The following ABCD3 variants were observed in gnomAD, a reference collection of about 807,000 sequenced individuals.
ABCD3 encodes the protein ATP binding cassette subfamily D member 3.
A neutral mutation model predicts 105.5 loss-of-function variants in ABCD3; 41 were observed. That is an observed-to-expected ratio of 0.39 (90% CI 0.30 to 0.50). The LOEUF is 0.50. ABCD3 is among the 20% of genes least tolerant of loss of function. The pLI, the probability that ABCD3 is intolerant of heterozygous loss-of-function variation, is 0.84. For synonymous variants in ABCD3, 258 were observed against 269.0 expected (o/e 0.96, Z 0.40); for missense variants, 622 against 806.3 (o/e 0.77, Z 2.77).
intron 1 of ABCD3, among the ~76,000 whole-genome samples, chr1:94,425,598 A>G (rs1659438774): frequency 6.6e-6 from 1 of 152,214 alleles, no homozygotes; most frequent in African/African-American, 2.4e-5. Context: ...TGTTTGTGGA[A>G]ACTGTGGGCA....
chr1:94,446,230 A>G (rs1406613445), intron 1 of ABCD3, among the ~76,000 whole-genome samples: 6 of 152,216 alleles, frequency 3.9e-5, no homozygotes, highest in South Asian at 2.1e-4. Context: ...GGCTCAGGCC[A>G]TTCCCTCACC....
At chr1:94,505,813 T>G (rs1478498826) in intron 20 of ABCD3, among the ~76,000 whole-genome samples, 4 of 152,134 alleles carry the variant, frequency 2.6e-5, no homozygotes, top group Non-Finnish European at 4.4e-5. Flanking sequence ...AAGAGAATGT[T>G]GCAGAGAAGG....
At chr1:94,422,319 G>C (rs1659290852) in intron 1 of ABCD3, among the ~76,000 whole-genome samples, 1 of 152,172 alleles carries the variant, frequency 6.6e-6, no homozygotes, top group Non-Finnish European at 1.5e-5. Flanking sequence ...TCTCATAGGA[G>C]CGTGAACCTG....
chr1:94,439,947 C>T lies in ABCD3; in HGVS notation c.111-18660C>T, dbSNP rs558431169. ...TCACAGGTGCAATCACAGCTTCCTGCAGCCTTGAACTCCTGGCCTCAAGTG... is the reference window on the plus strand; with the variant it reads ...TCACAGGTGCAATCACAGCTTCCTGTAGCCTTGAACTCCTGGCCTCAAGTG... On this transcript the variant is annotated intron_variant, in intron 1 of 22. Transcript: ENST00000370214. 6.6e-5 allele frequency among the ~76,000 whole-genome samples: 10 copies of T among 152,322 alleles called. No individual in the cohort carries two copies. In the South Asian group the frequency reaches 2.1e-3, roughly 32 times the overall value.
intron 1 of ABCD3, among the ~76,000 whole-genome samples, chr1:94,429,652 G>T (rs1659600293): frequency 6.6e-6 from 1 of 152,242 alleles, no homozygotes; most frequent in Non-Finnish European, 1.5e-5. Context: ...GTGGTGTTGA[G>T]CCTGCGAGTG....
chr1:94,502,025 G>A (rs1387786379), intron 20 of ABCD3, among the ~76,000 whole-genome samples: 1 of 151,734 alleles, frequency 6.6e-6, no homozygotes, highest in Non-Finnish European at 1.5e-5. Context: ...CATAATCCAG[G>A]GTGTGGCCCA....
chr1:94,462,806 C>T (rs980898905), intron 2 of ABCD3, among the ~76,000 whole-genome samples: 1 of 152,104 alleles, frequency 6.6e-6, no homozygotes, highest in Non-Finnish European at 1.5e-5. Flanking sequence ...GTGTTGCCTA[C>T]AGGTAAGGCA....
rs760267175 is a variant in ABCD3, at chr1:94,506,533, T to A, written c.1741-5T>A. The stretch of plus-strand genomic sequence containing the variant: ...TTTACACAAAAAATTTTTTTTATGC[T>A]TCAGATGGCAAGATTATTTTATCAT... On this transcript the variant is annotated splice_polypyrimidine_tract_variant and splice_region_variant and intron_variant, in intron 20 of 22. Transcript: ENST00000370214. 6.2e-7 allele frequency: 1 copy of A among 1,609,390 alleles called. No homozygotes were observed. Among genetic ancestry groups the A allele is most frequent in the East Asian group, 2.2e-5 (1 of 44,772 alleles).
At chr1:94,498,491 A>G in intron 16 of ABCD3, 111 bp from the exon 17 acceptor site, 1 of 1,075,946 alleles carries the variant, frequency 9.3e-7, no homozygotes, top group Non-Finnish European at 1.4e-6. Flanking sequence ...GACAAATAGA[A>G]GGCTTATAAT....
At position 94,496,693 on chromosome 1, in the gene ABCD3, T is replaced by TG. The variant is rs1491160876; in HGVS notation, c.1387-1908dup. Among the ~76,000 whole-genome samples the TG allele has an allele frequency of 7.3e-3, 570 of 78,246 alleles. 9 individuals carry two copies. The highest frequency in any genetic ancestry group is 0.012 in the Non-Finnish European group (461 of 37,762). 51.3% of individuals were successfully genotyped at this position (78,246 alleles called of 152,430 possible). A position where few individuals can be genotyped will look rare whatever the true frequency, so the allele number is the denominator to read the frequency against. ...TCTTCAGTAAAATCAGCCTTGTTTCTGTTTTTTTTTTTTTTTTTTTTTTTT... is the reference window on the plus strand; with the variant it reads ...TCTTCAGTAAAATCAGCCTTGTTTCTGGTTTTTTTTTTTTTTTTTTTTTTTT... On this transcript the variant is annotated intron_variant, in intron 16 of 22. Coordinates refer to ENST00000370214, the MANE Select transcript of ABCD3 (RefSeq NM_002858.4).
chr1:94,468,624 A>G (rs1648281156), intron 4 of ABCD3, among the ~76,000 whole-genome samples: 2 of 152,204 alleles, frequency 1.3e-5, no homozygotes, highest in Non-Finnish European at 2.9e-5. Flanking sequence ...CATAATACCA[A>G]TTAGAATGTC....
chr1:94,477,140 C>T (rs2100999894), intron 7 of ABCD3, among the ~76,000 whole-genome samples: 1 of 133,934 alleles, frequency 7.5e-6, no homozygotes, highest in East Asian at 2.4e-4. Context: ...TGACCTCCAA[C>T]TTAAATTATG....
chr1:94,497,471 T>C (rs1649879569), intron 16 of ABCD3, among the ~76,000 whole-genome samples: 1 of 152,228 alleles, frequency 6.6e-6, no homozygotes, highest in South Asian at 2.1e-4. Context: ...CCTATTGTGT[T>C]GCATTGGTGT....
Position 94,431,294 on chromosome 1 carries a change from C to T in ABCD3, c.110+12706C>T, listed in dbSNP as rs1570737206. Among the ~76,000 whole-genome samples, 6 of 152,206 alleles carry T rather than the reference C, an allele frequency of 3.9e-5. 1 individual carries two copies. In the South Asian group the frequency reaches 1.2e-3, roughly 32 times the overall value. On this transcript the variant is annotated intron_variant, in intron 1 of 22. Coordinates refer to ENST00000370214, the MANE Select transcript of ABCD3 (RefSeq NM_002858.4). ...CCAGAATGAGGGCTGGAGGAAGTAG[C>T]TTGGCCTGAGATAGGCAGGTAGAAA...
chr1:94,458,878 C>A (rs183956557), intron 2 of ABCD3, among the ~76,000 whole-genome samples: 1 of 151,096 alleles, frequency 6.6e-6, no homozygotes, highest in Non-Finnish European at 1.5e-5. Flanking sequence ...GTTTCCCCCC[C>A]TCTTCTAGCT....
intron 4 of ABCD3, among the ~76,000 whole-genome samples, chr1:94,472,762 T>G (rs1444268796): frequency 6.6e-6 from 1 of 152,190 alleles, no homozygotes; most frequent in Non-Finnish European, 1.5e-5. Context: ...CTAGTAATTT[T>G]TGTGTGTGCG....
At chr1:94,433,104 C>T (rs935477153) in intron 1 of ABCD3, among the ~76,000 whole-genome samples, 4 of 152,084 alleles carry the variant, frequency 2.6e-5, no homozygotes, top group Admixed American at 2.6e-4. Flanking sequence ...GATCCACCCA[C>T]CTCGGCCTCC....
chr1:94,424,022 G>A (rs1308599796), intron 1 of ABCD3, among the ~76,000 whole-genome samples: 2 of 152,148 alleles, frequency 1.3e-5, no homozygotes, highest in Non-Finnish European at 2.9e-5. Flanking sequence ...TTACCCATGA[G>A]TAGATGTTAT....
At chr1:94,468,083 C>T (rs977420000) in intron 4 of ABCD3, 76 bp downstream of exon 4, 4 of 1,039,520 alleles carry the variant, frequency 3.8e-6, no homozygotes, top group African/African-American at 3.1e-5. Context: ...TCTTTATAAG[C>T]AACAAATAGA....
Sources: gnomAD v4.1 joint callset for allele counts (sites outside exome capture counted in the v4.1 genomes callset) on GRCh38, gnomAD v4.1.1 for gene constraint, MANE v1.5 for transcripts, NCBI Gene and HGNC (gene_info 2026-07-23, HGNC 2026-07-21) for gene names.